MRTFB: variants seen among roughly 807,000 people sequenced by gnomAD.
MRTFB encodes myocardin-related transcription factor B.
A neutral mutation model predicts 104.2 loss-of-function variants in MRTFB; 29 were observed. That is an observed-to-expected ratio of 0.28 (90% confidence interval 0.21 to 0.38). The LOEUF is 0.38. Among genes scored for constraint, MRTFB ranks in the 10% least tolerant of loss-of-function variants. The pLI is 1.00. For synonymous variants in MRTFB, 535 were observed against 519.5 expected (o/e 1.03, Z -0.41); for missense variants, 1,270 against 1,341.6 (o/e 0.95, Z 0.83).
chr16:14,240,428 C>G lies in MRTFB; in HGVS notation c.1023C>G (p.Ile341Met). The G allele has an allele frequency of 1.9e-6, 3 of 1,614,212 alleles. No individual in the cohort carries two copies. The highest frequency in any genetic ancestry group is 8.5e-7 in the Non-Finnish European group (1 of 1,180,028). ...AGCAGCTGTTCCTGCAACTGCAGAT[C>G]CTGAGTCAGCAGAAGCAGCACTACA... The part of the protein sequence containing the change: ...QQQQLFLQLQ[I>M]LSQQKQHYNY... The change falls in exon 10 of 17, where the codon ATC becomes ATG. Residue 341 changes from isoleucine (I) to methionine (M), a missense_variant. Physicochemically the swap from Ile to Met is conservative, Grantham distance 10. Transcript: ENST00000571589.
intron 2 of MRTFB, among the ~76,000 whole-genome samples, chr16:14,120,161 T>A (rs554747916): frequency 5.9e-5 from 9 of 152,226 alleles, no homozygotes; most frequent in Admixed American, 4.6e-4. Flanking sequence ...TATGTTTATA[T>A]CCTTATATAT....
chr16:14,237,845 C>G (rs974873108), intron 9 of MRTFB, among the ~76,000 whole-genome samples: 2 of 151,974 alleles, frequency 1.3e-5, no homozygotes, highest in Non-Finnish European at 2.9e-5. Flanking sequence ...GGGTGAAATA[C>G]TATAGGTTTG....
At chr16:14,122,591 A>G (rs2036907804) in intron 2 of MRTFB, among the ~76,000 whole-genome samples, 2 of 152,182 alleles carry the variant, frequency 1.3e-5, no homozygotes, top group South Asian at 2.1e-4. Flanking sequence ...AGCTTCATCC[A>G]TGTCCCTGCA....
intron 2 of MRTFB, among the ~76,000 whole-genome samples, chr16:14,095,119 C>T (rs377555395): frequency 1.7e-4 from 26 of 152,204 alleles, no homozygotes; most frequent in African/African-American, 5.8e-4. Context: ...ACCTGAAAGG[C>T]AGTGCATGGA....
intron 3 of MRTFB, among the ~76,000 whole-genome samples, chr16:14,149,767 T>G (rs1010856112): frequency 6.6e-6 from 1 of 152,192 alleles, no homozygotes; most frequent in African/African-American, 2.4e-5. Flanking sequence ...CACAAAGATC[T>G]TTAAAAGACA....
chr16:14,173,895 A>G (rs1211901639), intron 3 of MRTFB, among the ~76,000 whole-genome samples: 2 of 151,756 alleles, frequency 1.3e-5, no homozygotes, highest in Non-Finnish European at 2.9e-5. Flanking sequence ...CAAAACAACT[A>G]TTTTTTTTAG....
upstream of MRTFB, among the ~76,000 whole-genome samples, chr16:14,069,219 C>T (rs538692201): frequency 9.2e-5 from 14 of 152,244 alleles, no homozygotes; most frequent in African/African-American, 2.9e-4. Flanking sequence ...GATCCACCTG[C>T]GTCAGCCTCC....
intron 2 of MRTFB, among the ~76,000 whole-genome samples, chr16:14,135,688 T>C (rs183332875): frequency 3.3e-5 from 5 of 152,370 alleles, no homozygotes; most frequent in African/African-American, 9.6e-5. Flanking sequence ...ACTTTATCAG[T>C]AACTGGTCTC....
intron 2 of MRTFB, among the ~76,000 whole-genome samples, chr16:14,120,833 G>T (rs184333547): frequency 3.4e-4 from 52 of 152,232 alleles, no homozygotes; most frequent in African/African-American, 1.3e-3. Flanking sequence ...GCTTTGAGGA[G>T]AACTCTGAGG....
At chr16:14,225,363 C>A (rs1399582396) in intron 8 of MRTFB, among the ~76,000 whole-genome samples, 2 of 152,038 alleles carry the variant, frequency 1.3e-5, no homozygotes, top group African/African-American at 2.4e-5. Flanking sequence ...ATGTCAGTAA[C>A]ATAGAGGGGG....
chr16:14,202,934 A>G (rs915407539), intron 3 of MRTFB, among the ~76,000 whole-genome samples: 4 of 152,214 alleles, frequency 2.6e-5, no homozygotes, highest in Admixed American at 6.5e-5. Context: ...ACTTAATACT[A>G]TTTAAACAAT....
chr16:14,221,813 ACT>A (rs2041730733), intron 8 of MRTFB, among the ~76,000 whole-genome samples: 3 of 117,546 alleles, frequency 2.6e-5, no homozygotes, highest in African/African-American at 1.0e-4. Context: ...AGGGAGTCTC[ACT>A]CTGTCACCCA....
At chr16:14,214,277 T>C (rs2041321652) in intron 6 of MRTFB, among the ~76,000 whole-genome samples, 1 of 152,216 alleles carries the variant, frequency 6.6e-6, no homozygotes, top group Admixed American at 6.5e-5. Flanking sequence ...TTCATTGTTT[T>C]GCTTCTCCAA....
At chr16:14,211,300 A>G (rs569297254) in intron 4 of MRTFB, among the ~76,000 whole-genome samples, 1 of 152,282 alleles carries the variant, frequency 6.6e-6, no homozygotes, top group South Asian at 2.1e-4. Context: ...CTATGAACCA[A>G]CTAATCAAAG....
the MRTFB span, among the ~76,000 whole-genome samples, chr16:14,046,045 G>A: frequency 2.6e-5 from 4 of 152,180 alleles, no homozygotes; most frequent in East Asian, 7.7e-4. Flanking sequence ...CGTCTACTTT[G>A]TTGCAAGGCA....
chr16:14,046,586 C>G, the MRTFB span, among the ~76,000 whole-genome samples: 2 of 152,124 alleles, frequency 1.3e-5, no homozygotes, highest in African/African-American at 4.8e-5. Flanking sequence ...TTTATGCACC[C>G]TACCCTTTTG....
At chr16:14,241,048 G>A (rs2042744988) in intron 10 of MRTFB, 2 of 478,420 alleles carry the variant, frequency 4.2e-6, no homozygotes, top group Non-Finnish European at 7.3e-6. Context: ...GTAAAAAGTG[G>A]AAGACAAAAA....
the MRTFB span, among the ~76,000 whole-genome samples, chr16:14,059,383 C>T: frequency 6.6e-6 from 1 of 152,118 alleles, no homozygotes; most frequent in African/African-American, 2.4e-5. Flanking sequence ...CCCCTCTCCC[C>T]GCTACCTGGA....
intron 2 of MRTFB, among the ~76,000 whole-genome samples, chr16:14,137,642 A>G (rs987281542): frequency 3.9e-5 from 6 of 152,226 alleles, no homozygotes; most frequent in South Asian, 4.2e-4. Flanking sequence ...TCCTTAGTGA[A>G]ATAAGTAATT....
Sources: gnomAD v4.1 joint callset for allele counts (sites outside exome capture counted in the v4.1 genomes callset) on GRCh38, gnomAD v4.1.1 for gene constraint, MANE v1.5 for transcripts, NCBI Gene and HGNC (gene_info 2026-07-23, HGNC 2026-07-21) for gene names.